TSC22D3: variants seen among roughly 807,000 people sequenced by gnomAD.
The protein encoded by TSC22D3 is TSC22 domain family member 3, also known as TSC22 domain family protein 3.
Under a neutral mutation model 11.1 loss-of-function variants are expected in TSC22D3, and 4 were observed. That is an observed-to-expected ratio of 0.36 (90% confidence interval 0.18 to 0.83). The LOEUF is 0.83. Among genes scored for constraint, TSC22D3 ranks in the 40% least tolerant of loss-of-function variants. The pLI is 0.48. For synonymous variants in TSC22D3, 77 were observed against 70.3 expected, an observed-to-expected ratio of 1.10 and a Z score of -0.48; for missense variants, 118 against 159.4, an observed-to-expected ratio of 0.74 and a Z score of 1.40.
At chrX:107,746,755 C>T (rs909515862) in intron 1 of TSC22D3, among the ~76,000 whole-genome samples, 2 of 112,641 alleles carry the variant, frequency 1.8e-5, no homozygotes, top group African/African-American at 6.5e-5. Context: ...GTTACACATA[C>T]ACACATTCAT....
intron 1 of TSC22D3, among the ~76,000 whole-genome samples, chrX:107,766,839 C>T (rs1929684045): frequency 9.0e-6 from 1 of 110,502 alleles, no homozygotes; most frequent in East Asian, 2.9e-4. Flanking sequence ...AATGCCTGTC[C>T]CCAGGGAAGC....
chrX:107,761,189 C>T (rs916060138), intron 1 of TSC22D3, among the ~76,000 whole-genome samples: 7 of 112,513 alleles, frequency 6.2e-5, no homozygotes, highest in African/African-American at 1.6e-4. Flanking sequence ...AGACGCAAAG[C>T]GCCTGTGCTT....
rs192089409 is a variant in TSC22D3, at chrX:107,774,263, T to G, written c.320+837A>C. 9.6e-4 allele frequency among the ~76,000 whole-genome samples: 107 copies of G among 112,016 alleles called. No homozygotes were observed. In the East Asian group the frequency reaches 0.014, roughly 15 times the overall value. On this transcript the variant is annotated intron_variant, in intron 1 of 2. Coordinates refer to ENST00000372383, the MANE Select transcript of TSC22D3 (RefSeq NM_198057.3). ...CTCAGTTGTTCCCAGAGACTGGTTC[T>G]TGCCAGAGTGTCTCAAACTGAAGGA...
At chrX:107,771,715 T>G (rs2147795969) in intron 1 of TSC22D3, among the ~76,000 whole-genome samples, 1 of 112,946 alleles carries the variant, frequency 8.9e-6, no homozygotes, top group South Asian at 3.6e-4. Context: ...TTATGGTTAT[T>G]AGTTACATAA....
chrX:107,771,351 G>A (rs1030778628), intron 1 of TSC22D3, among the ~76,000 whole-genome samples: 4 of 112,255 alleles, frequency 3.6e-5, no homozygotes, highest in Admixed American at 2.8e-4. Flanking sequence ...TTGGGAGGCC[G>A]AGGCTGGTGG....
intron 1 of TSC22D3, among the ~76,000 whole-genome samples, chrX:107,766,942 G>C (rs1274759089): frequency 9.0e-6 from 1 of 111,141 alleles, no homozygotes; most frequent in Non-Finnish European, 1.9e-5. Flanking sequence ...GGCTGGCCTA[G>C]GCCCAGCCTA....
intron 1 of TSC22D3, among the ~76,000 whole-genome samples, chrX:107,740,579 T>TAA (rs376624751): frequency 4.0e-5 from 4 of 100,650 alleles, no homozygotes; most frequent in African/African-American, 1.1e-4. Context: ...AGACTCAGTC[T>TAA]AAAAAAAAAA....
intron 1 of TSC22D3, among the ~76,000 whole-genome samples, chrX:107,721,421 G>C (rs779125745): frequency 5.4e-5 from 6 of 112,075 alleles, no homozygotes; most frequent in African/African-American, 1.9e-4. Context: ...CCCCGGGCAG[G>C]ATCTCAGAGC....
chrX:107,747,804 C>T (rs1928742153), intron 1 of TSC22D3, among the ~76,000 whole-genome samples: 1 of 112,401 alleles, frequency 8.9e-6, no homozygotes, highest in Non-Finnish European at 1.9e-5. Context: ...CAGGGAGGGC[C>T]CTCTGATCTC....
intron 2 of TSC22D3, 199 bp downstream of exon 2, chrX:107,715,700 G>A: frequency 2.0e-6 from 1 of 488,710 alleles, no homozygotes; most frequent in South Asian, 2.7e-5. Context: ...AAAGGAGGGA[G>A]CCCAGGAAGG....
chrX:107,721,815 C>T (rs772859762), intron 1 of TSC22D3: 17 of 467,808 alleles, frequency 3.6e-5, no homozygotes, highest in Middle Eastern at 3.4e-4. Flanking sequence ...TCCTCCACTA[C>T]GGGCCCCCTC....
At position 107,775,110 on chromosome X, in the gene TSC22D3, AG is replaced by A; in HGVS notation, c.309del (p.Phe104SerfsTer13). 8.3e-7 allele frequency: 1 copy of A among 1,210,650 alleles called. No homozygotes were observed. Among genetic ancestry groups the A allele is most frequent in the Non-Finnish European group, 1.1e-6 (1 of 894,580 alleles). ...TGCCGAGCCACCCACCTGTGGAAGA[AG>A]AGCAGGATGGAGAGCATGGTCTGGT... ...NIDQTMLSIL[L>X]FFHSASGASV... On this transcript the variant is annotated frameshift_variant, in exon 1 of 3. Transcript: ENST00000372383. LOFTEE classifies it high-confidence loss of function.
intron 1 of TSC22D3, among the ~76,000 whole-genome samples, chrX:107,748,745 C>A (rs763198767): frequency 7.1e-5 from 8 of 112,206 alleles, no homozygotes; most frequent in Non-Finnish European, 1.1e-4. Flanking sequence ...CCTGCCCTGG[C>A]GGCCTTCACA....
intron 1 of TSC22D3, among the ~76,000 whole-genome samples, chrX:107,726,249 G>A (rs1011345775): frequency 3.6e-5 from 4 of 112,051 alleles, no homozygotes; most frequent in African/African-American, 1.3e-4. Flanking sequence ...CATCCAGACT[G>A]TCTTTTGGCC....
At chrX:107,739,956 A>G (rs1928319369) in intron 1 of TSC22D3, among the ~76,000 whole-genome samples, 1 of 112,671 alleles carries the variant, frequency 8.9e-6, no homozygotes, top group African/African-American at 3.2e-5. Flanking sequence ...GGGAATGAAT[A>G]CCAGCAGCTA....
chrX:107,773,820 C>A, intron 1 of TSC22D3, among the ~76,000 whole-genome samples: 1 of 111,798 alleles, frequency 8.9e-6, no homozygotes. Flanking sequence ...GGGAGGCAAA[C>A]CTGCTCTTAG....
intron 1 of TSC22D3, among the ~76,000 whole-genome samples, chrX:107,772,597 G>A (rs1240364645): frequency 1.8e-5 from 2 of 111,213 alleles, no homozygotes; most frequent in Admixed American, 1.9e-4. Context: ...CTGTGATCCT[G>A]GCACTTTGGG....
intron 1 of TSC22D3, among the ~76,000 whole-genome samples, chrX:107,756,998 G>A (rs1337664973): frequency 1.8e-5 from 2 of 112,266 alleles, no homozygotes; most frequent in African/African-American, 6.5e-5. Context: ...TCTGTTCCCC[G>A]GTGTTCAGGA....
chrX:107,766,454 C>T (rs935673422), intron 1 of TSC22D3, among the ~76,000 whole-genome samples: 17 of 77,763 alleles, frequency 2.2e-4, no homozygotes, highest in Admixed American at 1.9e-3. Context: ...GAGTTTCCGC[C>T]CCCCCCCCAA....
Sources: gnomAD v4.1 joint callset for allele counts (sites outside exome capture counted in the v4.1 genomes callset) on GRCh38, gnomAD v4.1.1 for gene constraint, MANE v1.5 for transcripts, NCBI Gene and HGNC (gene_info 2026-07-23, HGNC 2026-07-21) for gene names.